The following DLG2 variants were observed in gnomAD, a reference collection of about 807,000 sequenced individuals.
DLG2 encodes disks large homolog 2.
A neutral mutation model predicts 132.5 loss-of-function variants in DLG2; 45 were observed. The ratio of observed to expected loss-of-function variants is 0.34; its 90% CI spans 0.27 to 0.44. The LOEUF (loss-of-function observed/expected upper bound fraction) is 0.44. DLG2 is among the 20% of genes least tolerant of loss of function. DLG2 has a pLI of 1.00. For missense variants in DLG2, 1,045 were observed against 1,196.9 expected, an observed-to-expected ratio of 0.87 and a Z score of 1.87; for synonymous variants, 424 against 419.6, an observed-to-expected ratio of 1.01 and a Z score of -0.13.
chr11:84,960,379 C>A (rs1428495525), intron 6 of DLG2, among the ~76,000 whole-genome samples: 1 of 152,068 alleles, frequency 6.6e-6, no homozygotes, highest in Non-Finnish European at 1.5e-5. Context: ...ATTCCAACTC[C>A]TCTTATATTT....
intron 22 of DLG2, chr11:83,480,602 C>G (rs201731957): frequency 1.2e-5 from 19 of 1,556,094 alleles, no homozygotes; most frequent in African/African-American, 2.7e-5. Flanking sequence ...TTTACAGGAA[C>G]CCGCTGCTTG....
Position 83,916,463 on chromosome 11 carries a change from A to G in DLG2, c.1496+13865T>C, listed in dbSNP as rs543156300. ...CTTGAGTAGCTGGGATTCCAGGATC[A>G]TGACAGTATGCCTGGCTAATTTTTG... On this transcript the variant is annotated intron_variant, in intron 15 of 27. Transcript: ENST00000376104. 2.0e-4 allele frequency among the ~76,000 whole-genome samples: 30 copies of G among 152,000 alleles called. No homozygotes were observed. In the South Asian group the frequency reaches 5.8e-3, roughly 30 times the overall value.
chr11:84,827,470 A>T (rs1028132056), intron 6 of DLG2, among the ~76,000 whole-genome samples: 16 of 151,808 alleles, frequency 1.1e-4, no homozygotes, highest in African/African-American at 3.9e-4. Context: ...AGCAATTTAG[A>T]TTTTTGAACT....
chr11:83,940,543 C>T (rs1421982331), intron 14 of DLG2, among the ~76,000 whole-genome samples: 3 of 152,082 alleles, frequency 2.0e-5, no homozygotes, highest in East Asian at 1.9e-4. Flanking sequence ...TGAGTGGTAG[C>T]GCTTGGCTTT....
At chr11:85,342,130 T>C (rs554214149) in intron 3 of DLG2, among the ~76,000 whole-genome samples, 32 of 152,326 alleles carry the variant, frequency 2.1e-4, no homozygotes, top group African/African-American at 7.5e-4. Flanking sequence ...TAAAATACTT[T>C]TATTTCTTCA....
rs1567807005 is a variant in DLG2, at chr11:84,502,386, CTTTCTTTCTTTCTTTCTTTCTTTCTT to C, written c.519+32158_519+32183del. ...TCTTTCTTTCTTTCTTTCTTTCTTTCTTTCTTTCTTTCTTTCTTTCTTTCTTTCTATACAGAGTCTCATGCTGTCAC... is the reference window on the plus strand; with the variant it reads ...TCTTTCTTTCTTTCTTTCTTTCTTTCTCTATACAGAGTCTCATGCTGTCAC... On this transcript the variant is annotated intron_variant, in intron 7 of 27. Transcript: ENST00000376104. 5.0e-3 allele frequency among the ~76,000 whole-genome samples: 455 copies of C among 90,678 alleles called. 1 individual carries two copies. Among genetic ancestry groups the C allele is most frequent in the South Asian group, 7.0e-3 (22 of 3,128 alleles). The allele number at this position is 90,678 out of a possible 152,430, so 59.5% of individuals were successfully genotyped here.
At chr11:83,880,826 C>T (rs79970939) in intron 15 of DLG2, among the ~76,000 whole-genome samples, 2 of 152,274 alleles carry the variant, frequency 1.3e-5, no homozygotes, top group East Asian at 1.9e-4. Context: ...AAAAGTTCTT[C>T]CTTCTCTTGG....
chr11:84,633,248 C>G (rs1297833454), intron 6 of DLG2, among the ~76,000 whole-genome samples: 1 of 152,126 alleles, frequency 6.6e-6, no homozygotes, highest in Non-Finnish European at 1.5e-5. Flanking sequence ...TTTTCTTGAT[C>G]TGGTCCTTTC....
chr11:83,811,870 A>C (rs1484226628), intron 17 of DLG2, among the ~76,000 whole-genome samples: 2 of 152,118 alleles, frequency 1.3e-5, no homozygotes, highest in Non-Finnish European at 2.9e-5. Flanking sequence ...AGAGAAAGAG[A>C]AAGAGAGCCC....
At chr11:84,540,111 C>T (rs997360727) in intron 6 of DLG2, among the ~76,000 whole-genome samples, 3 of 152,134 alleles carry the variant, frequency 2.0e-5, no homozygotes, top group Admixed American at 2.0e-4. Context: ...TAGGCAATAC[C>T]ACTCAGGACA....
intron 7 of DLG2, among the ~76,000 whole-genome samples, chr11:84,529,682 T>C (rs2099330571): frequency 6.6e-6 from 1 of 152,198 alleles, no homozygotes; most frequent in Non-Finnish European, 1.5e-5. Flanking sequence ...TGCTCATGGA[T>C]AGGAAGAATC....
At chr11:84,951,867 C>T (rs1457884813) in intron 6 of DLG2, among the ~76,000 whole-genome samples, 1 of 152,020 alleles carries the variant, frequency 6.6e-6, no homozygotes, top group African/African-American at 2.4e-5. Flanking sequence ...TTAATATACA[C>T]TAAAATTCAC....
intron 7 of DLG2, among the ~76,000 whole-genome samples, chr11:84,358,791 TAAC>T (rs1243718324): frequency 6.6e-6 from 1 of 151,984 alleles, no homozygotes; most frequent in African/African-American, 2.4e-5. Flanking sequence ...TGCTGTATAA[TAAC>T]TAATTAAATC....
chr11:85,416,288 T>A (rs1198904482), intron 3 of DLG2, among the ~76,000 whole-genome samples: 1 of 152,218 alleles, frequency 6.6e-6, no homozygotes, highest in African/African-American at 2.4e-5. Flanking sequence ...TCTGTTCTGT[T>A]CCATTAGTCT....
intron 3 of DLG2, among the ~76,000 whole-genome samples, chr11:85,402,374 A>C (rs2088226791): frequency 1.3e-5 from 2 of 152,218 alleles, no homozygotes; most frequent in South Asian, 4.1e-4. Context: ...GTAAGACCTA[A>C]CACCATAAAA....
intron 6 of DLG2, among the ~76,000 whole-genome samples, chr11:85,015,099 A>T (rs904287993): frequency 6.6e-6 from 1 of 152,186 alleles, no homozygotes; most frequent in African/African-American, 2.4e-5. Context: ...CACCAAGAGC[A>T]CTGAAATGAA....
intron 7 of DLG2, among the ~76,000 whole-genome samples, chr11:84,494,334 C>A (rs752823389): frequency 6.6e-6 from 1 of 152,146 alleles, no homozygotes; most frequent in Non-Finnish European, 1.5e-5. Context: ...GTGAAAAGTG[C>A]TCTCAACATG....
chr11:85,206,910 A>C (rs896780693), intron 4 of DLG2, among the ~76,000 whole-genome samples: 3 of 151,778 alleles, frequency 2.0e-5, no homozygotes, highest in Non-Finnish European at 4.4e-5. Flanking sequence ...TCACAAAAAA[A>C]ATCTTCAAAG....
Position 84,812,983 on chromosome 11 carries a change from T to A in DLG2, c.358-278252A>T, listed in dbSNP as rs1349057693. On this transcript the variant is annotated intron_variant, in intron 6 of 27. Transcript: ENST00000376104. Reference sequence around the variant, plus strand: ...GAGCTGAAATTTTCCCTTGTCTTGTTGGTCTTTTGAGAGCGGTTATCCACC... The same window carrying A: ...GAGCTGAAATTTTCCCTTGTCTTGTAGGTCTTTTGAGAGCGGTTATCCACC... Among the ~76,000 whole-genome samples the A allele has an allele frequency of 2.6e-5, 4 of 152,102 alleles. No homozygotes were observed. The East Asian group carries it at 7.7e-4, about 29-fold the overall frequency.
Sources: gnomAD v4.1 joint callset for allele counts (sites outside exome capture counted in the v4.1 genomes callset) on GRCh38, gnomAD v4.1.1 for gene constraint, MANE v1.5 for transcripts, NCBI Gene and HGNC (gene_info 2026-07-23, HGNC 2026-07-21) for gene names.